AKAP6: variants seen among roughly 807,000 people sequenced by gnomAD.
AKAP6 encodes the protein A-kinase anchoring protein 6.
Under a neutral mutation model 188.5 loss-of-function variants are expected in AKAP6, and 58 were observed. The ratio of observed to expected loss-of-function variants is 0.31; its 90% confidence interval spans 0.25 to 0.38. The LOEUF is 0.38. AKAP6 is among the 10% of genes least tolerant of loss of function. The pLI, the probability that AKAP6 is intolerant of heterozygous loss-of-function variation, is 1.00. For synonymous variants in AKAP6, 989 were observed against 998.6 expected (o/e 0.99, Z 0.18); for missense variants, 2,710 against 2,740.0 (o/e 0.99, Z 0.24).
intron 7 of AKAP6, among the ~76,000 whole-genome samples, chr14:32,629,421 A>AC (rs1426131799): frequency 6.7e-6 from 1 of 150,062 alleles, no homozygotes; most frequent in Non-Finnish European, 1.5e-5. Context: ...TCAAAAAAAA[A>AC]AAAAAAAAAG....
Position 32,485,106 on chromosome 14 carries a change from C to CAGTCCTTAGCTGCAAATG in AKAP6, c.325-50437_325-50420dup, listed in dbSNP as rs1443452498. The stretch of plus-strand genomic sequence containing the variant: ...TCAGTTGATGCAGAGTGGGGTTTTG[C>CAGTCCTTAGCTGCAAATG]AGTCCTTAGCTGCAAATGAGTCCTT... On this transcript the variant is annotated intron_variant, in intron 2 of 13. Coordinates refer to ENST00000280979, the MANE Select transcript of AKAP6 (RefSeq NM_004274.5). Among the ~76,000 whole-genome samples the CAGTCCTTAGCTGCAAATG allele has an allele frequency of 3.0e-5, 2 of 67,378 alleles. 1 individual carries two copies. Among genetic ancestry groups the CAGTCCTTAGCTGCAAATG allele is most frequent in the Non-Finnish European group, 4.9e-5 (2 of 41,234 alleles). The allele number at this position is 67,378 out of a possible 152,430, so 44.2% of individuals were successfully genotyped here. A position where few individuals can be genotyped will look rare whatever the true frequency, so the allele number is the denominator to read the frequency against.
At chr14:32,365,894 G>A (rs1231252989) in intron 1 of AKAP6, among the ~76,000 whole-genome samples, 1 of 152,116 alleles carries the variant, frequency 6.6e-6, no homozygotes, top group Admixed American at 6.5e-5. Flanking sequence ...TGCCTTAGGG[G>A]ACAGGTGTCC....
At chr14:32,449,053 A>G (rs1248905411) in intron 2 of AKAP6, among the ~76,000 whole-genome samples, 1 of 152,210 alleles carries the variant, frequency 6.6e-6, no homozygotes, top group East Asian at 1.9e-4. Flanking sequence ...GTAGAAGATG[A>G]GATTGCAGGA....
chr14:32,529,930 C>T (rs1882320302), intron 2 of AKAP6, among the ~76,000 whole-genome samples: 1 of 144,014 alleles, frequency 6.9e-6, no homozygotes, highest in Non-Finnish European at 1.5e-5. Context: ...GTAATAAACA[C>T]ATACACATAT....
chr14:32,465,605 A>G (rs1878367811), intron 2 of AKAP6, among the ~76,000 whole-genome samples: 1 of 152,142 alleles, frequency 6.6e-6, no homozygotes, highest in African/African-American at 2.4e-5. Context: ...GGATTAAGAT[A>G]TAAATGTAAG....
At chr14:32,409,029 G>A (rs1008592556) in intron 1 of AKAP6, among the ~76,000 whole-genome samples, 4 of 152,020 alleles carry the variant, frequency 2.6e-5, no homozygotes, top group African/African-American at 9.7e-5. Flanking sequence ...GTGAAACCCT[G>A]TCTCTACTAA....
chr14:32,730,961 G>A (rs764487320), intron 9 of AKAP6, among the ~76,000 whole-genome samples: 4 of 152,058 alleles, frequency 2.6e-5, no homozygotes, highest in African/African-American at 4.8e-5. Flanking sequence ...ATTAGAAAAC[G>A]CAATCAGAAT....
chr14:32,586,538 AATTTCTTGAACCCGGAAGG>A (rs1885258596), intron 5 of AKAP6, among the ~76,000 whole-genome samples: 1 of 152,094 alleles, frequency 6.6e-6, no homozygotes, highest in Admixed American at 6.6e-5. Flanking sequence ...GAGGCATGAG[AATTTCTTGAACCCGGAAGG>A]CAGAGGTTGC....
chr14:32,407,707 C>G (rs891139267), intron 1 of AKAP6, among the ~76,000 whole-genome samples: 4 of 152,146 alleles, frequency 2.6e-5, no homozygotes, highest in African/African-American at 7.2e-5. Flanking sequence ...CTTACAGGCT[C>G]TCTATCAAAT....
intron 8 of AKAP6, among the ~76,000 whole-genome samples, chr14:32,683,083 T>A (rs1889761073): frequency 6.6e-6 from 1 of 151,544 alleles, no homozygotes. Context: ...AACCTCCGCC[T>A]CTTGGGTTCA....
chr14:32,510,193 C>G (rs1455627402), intron 2 of AKAP6, among the ~76,000 whole-genome samples: 1 of 151,656 alleles, frequency 6.6e-6, no homozygotes, highest in Non-Finnish European at 1.5e-5. Flanking sequence ...CCCATGACTA[C>G]TAATAGTGTC....
intron 7 of AKAP6, among the ~76,000 whole-genome samples, chr14:32,644,311 G>A (rs1039097662): frequency 1.3e-5 from 2 of 152,184 alleles, no homozygotes; most frequent in South Asian, 2.1e-4. Flanking sequence ...AATATCCAGA[G>A]AAGTGACATT....
chr14:32,621,996 G>A (rs1886833209), intron 7 of AKAP6, among the ~76,000 whole-genome samples: 2 of 151,978 alleles, frequency 1.3e-5, no homozygotes, highest in Non-Finnish European at 2.9e-5. Flanking sequence ...GTCTCAATAA[G>A]GCATATATCC....
At position 32,724,998 on chromosome 14, in the gene AKAP6, A is replaced by AAAAAAAAAC. The variant is rs1489087222; in HGVS notation, c.3001-7448_3001-7447insCAAAAAAAA. 1.8e-4 allele frequency among the ~76,000 whole-genome samples: 27 copies of AAAAAAAAAC among 147,260 alleles called. 1 individual carries two copies. The highest frequency in any genetic ancestry group is 6.7e-4 in the African/African-American group (27 of 40,364). ...GTCATTTATATTCAACCTAAAAAAA[A>AAAAAAAAAC]AAAAAAAAAAAAAAAAAAACAATTT... On this transcript the variant is annotated intron_variant, in intron 9 of 13. Transcript: ENST00000280979.
chr14:32,418,200 T>G (rs191042290), intron 1 of AKAP6, among the ~76,000 whole-genome samples: 1 of 152,300 alleles, frequency 6.6e-6, no homozygotes, highest in Admixed American at 6.5e-5. Context: ...GAGTGTCATG[T>G]CAATTATGAG....
At chr14:32,377,658 C>T (rs1888202555) in intron 1 of AKAP6, among the ~76,000 whole-genome samples, 1 of 152,176 alleles carries the variant, frequency 6.6e-6, no homozygotes, top group Non-Finnish European at 1.5e-5. Context: ...ATCAGCCACA[C>T]CTGTGTTCAA....
intron 4 of AKAP6, among the ~76,000 whole-genome samples, chr14:32,571,979 A>T (rs719851): frequency 0.24 from 36,037 of 152,174 alleles, 4,682 homozygotes; most frequent in East Asian, 0.58. Flanking sequence ...CTCATCACAA[A>T]TTCTGTTTTA....
chr14:32,648,511 C>T (rs1888075694), intron 7 of AKAP6, among the ~76,000 whole-genome samples: 1 of 152,116 alleles, frequency 6.6e-6, no homozygotes, highest in Admixed American at 6.6e-5. Context: ...TCATTATCAG[C>T]TCTGATGTTT....
chr14:32,822,567 A>T lies in AKAP6; in HGVS notation c.4754A>T (p.Asn1585Ile). The change falls in exon 13 of 14, where the codon AAT (asparagine) becomes ATT (isoleucine). Residue 1585 changes from asparagine to isoleucine, a missense_variant. Around this residue, in one of 2 missense-constraint regions of AKAP6, gnomAD observed 2,473 missense variants for 2,426.1 expected, o/e 1.02. Coordinates refer to ENST00000280979, the MANE Select transcript of AKAP6 (RefSeq NM_004274.5). ...TTATTTGGATTGGGCATCTTTAAAA[A>T]TGGCAGTGACAGCCTCCAGCGAAGC... is the stretch of plus-strand genomic sequence containing the variant. Reference protein sequence around the residue: ...GDLFGLGIFKNGSDSLQRSTS... With the variant: ...GDLFGLGIFKIGSDSLQRSTS... The T allele has an allele frequency of 6.2e-7, 1 of 1,614,010 alleles. No homozygotes were observed. The highest frequency in any genetic ancestry group is 8.5e-7 in the Non-Finnish European group (1 of 1,179,944).
Sources: gnomAD v4.1 joint callset for allele counts (sites outside exome capture counted in the v4.1 genomes callset) on GRCh38, gnomAD v4.1.1 for gene constraint, gnomAD v4.1.1 regional missense constraint, MANE v1.5 for transcripts, NCBI Gene and HGNC (gene_info 2026-07-23, HGNC 2026-07-21) for gene names.